The following CTBP2 variants were observed in gnomAD, a reference collection of about 807,000 sequenced individuals.
CTBP2 encodes C-terminal binding protein 2, also known as C-terminal-binding protein 2.
Under a neutral mutation model 80.3 loss-of-function variants are expected in CTBP2, and 30 were observed. The ratio of observed to expected loss-of-function variants is 0.37; its 90% CI spans 0.28 to 0.51. CTBP2 has a LOEUF of 0.51. Among genes scored for constraint, CTBP2 ranks in the 20% least tolerant of loss-of-function variants. The pLI is 0.93. For synonymous variants in CTBP2, 594 were observed against 587.4 expected (o/e 1.01, Z -0.16); for missense variants, 1,212 against 1,375.3 (o/e 0.88, Z 1.88).
intron 1 of CTBP2, among the ~76,000 whole-genome samples, chr10:125,130,139 C>T (rs542327139): frequency 1.3e-5 from 2 of 152,066 alleles, no homozygotes; most frequent in East Asian, 1.9e-4. Context: ...CCTCTGCCTC[C>T]CAGGTTCAAG....
chr10:125,040,312 G>A (rs552456587), intron 2 of CTBP2, among the ~76,000 whole-genome samples: 174 of 151,938 alleles, frequency 1.1e-3, no homozygotes, highest in African/African-American at 3.3e-3. Context: ...AAAATTAGCC[G>A]GGTATGCTGG....
intron 1 of CTBP2, among the ~76,000 whole-genome samples, chr10:125,112,220 C>T (rs929417657): frequency 3.4e-5 from 5 of 147,552 alleles, no homozygotes; most frequent in African/African-American, 1.3e-4. Flanking sequence ...TCAGGCAATT[C>T]TCCTGCCTCG....
chr10:125,026,941 G>GT lies in CTBP2; in HGVS notation c.818dup (p.Tyr273Ter), dbSNP rs749964915. ...CCTGGAAGGTGGACAGGTCAGCTTCGTAAGTCTCGTAAGCCATCTTGGATG... is the reference window on the plus strand; with the variant it reads ...CCTGGAAGGTGGACAGGTCAGCTTCGTTAAGTCTCGTAAGCCATCTTGGATG... Residue 273 changes from tyrosine (Y) to a stop codon, truncating the protein, a stop_gained and frameshift_variant, in exon 1 of 9, where the codon TAC (tyrosine) becomes TAAC (stop). Transcript: ENST00000309035. LOFTEE classifies it high-confidence loss of function. 2 of 1,614,042 alleles carry GT rather than the reference G, an allele frequency of 1.2e-6. No homozygotes were observed. Among genetic ancestry groups the GT allele is most frequent in the South Asian group, 2.2e-5 (2 of 91,092 alleles).
intron 1 of CTBP2, among the ~76,000 whole-genome samples, chr10:125,123,648 C>G (rs17152657): frequency 0.087 from 13,299 of 152,270 alleles, 726 homozygotes; most frequent in South Asian, 0.14. Context: ...ACACTGCTTA[C>G]GCACTCAACT....
intron 1 of CTBP2, chr10:125,133,635 T>C (rs905883512): frequency 6.6e-6 from 1 of 152,214 alleles, no homozygotes; most frequent in African/African-American, 2.4e-5. Flanking sequence ...GCTTGTTGTT[T>C]GGAGGGTGTA....
chr10:125,159,019 G>A (rs985192356), intron 1 of CTBP2, among the ~76,000 whole-genome samples: 3 of 151,688 alleles, frequency 2.0e-5, no homozygotes, highest in African/African-American at 7.3e-5. Flanking sequence ...CCGCCACGCC[G>A]CTGGGCCTCC....
At chr10:125,092,837 A>G (rs934687142) in intron 2 of CTBP2, among the ~76,000 whole-genome samples, 1 of 152,172 alleles carries the variant, frequency 6.6e-6, no homozygotes, top group Non-Finnish European at 1.5e-5. Context: ...CAGTTACCAC[A>G]TGAGAGCGAC....
chr10:125,058,823 G>C (rs1964448698), intron 2 of CTBP2, among the ~76,000 whole-genome samples: 1 of 152,154 alleles, frequency 6.6e-6, no homozygotes, highest in African/African-American at 2.4e-5. Flanking sequence ...GAACCCGGGA[G>C]GCGGTGGCTG....
intron 2 of CTBP2, among the ~76,000 whole-genome samples, chr10:125,057,050 G>T (rs967175728): frequency 1.3e-5 from 2 of 152,214 alleles, no homozygotes; most frequent in Non-Finnish European, 2.9e-5. Flanking sequence ...CTGCCCTCTG[G>T]GTTGGGCTCC....
chr10:125,128,886 G>A (rs1855696461), intron 1 of CTBP2, among the ~76,000 whole-genome samples: 1 of 152,192 alleles, frequency 6.6e-6, no homozygotes, highest in African/African-American at 2.4e-5. Context: ...GCGAAAAGCT[G>A]GAAACAGCCC....
intron 1 of CTBP2, among the ~76,000 whole-genome samples, chr10:125,003,946 T>C (rs1954896621): frequency 6.6e-6 from 1 of 152,144 alleles, no homozygotes; most frequent in Admixed American, 6.5e-5. Flanking sequence ...CCAGCCCCTC[T>C]CACCTGCGCT....
At chr10:125,141,981 C>T (rs1165772578) in intron 1 of CTBP2, among the ~76,000 whole-genome samples, 1 of 152,162 alleles carries the variant, frequency 6.6e-6, no homozygotes, top group Non-Finnish European at 1.5e-5. Context: ...CACCTGTTCC[C>T]AGGCACTTTC....
intron 1 of CTBP2, among the ~76,000 whole-genome samples, chr10:125,151,865 G>T (rs1470714816): frequency 6.6e-6 from 1 of 152,188 alleles, no homozygotes; most frequent in Non-Finnish European, 1.5e-5. Context: ...GGGTCCGAGC[G>T]GCCCCGCCCA....
chr10:125,115,842 G>A (rs943802604), intron 1 of CTBP2, among the ~76,000 whole-genome samples: 73 of 152,248 alleles, frequency 4.8e-4, no homozygotes, highest in African/African-American at 1.2e-3. Flanking sequence ...GAGGGATTGC[G>A]TAAAGAACCA....
chr10:125,082,489 T>C (rs1847316400), intron 2 of CTBP2, among the ~76,000 whole-genome samples: 1 of 152,094 alleles, frequency 6.6e-6, no homozygotes, highest in South Asian at 2.1e-4. Context: ...TTGCCTCAGG[T>C]ATCATTTCCA....
intron 3 of CTBP2, chr10:124,998,907 T>G (rs555679363): frequency 6.5e-6 from 1 of 153,502 alleles, no homozygotes; most frequent in African/African-American, 2.4e-5. Flanking sequence ...CAGGGTCAAG[T>G]ATCTCCCAGC....
chr10:125,043,853 C>CA (rs1284174991), intron 2 of CTBP2, among the ~76,000 whole-genome samples: 1 of 152,226 alleles, frequency 6.6e-6, no homozygotes, highest in African/African-American at 2.4e-5. Flanking sequence ...AAATTTCTCT[C>CA]AAATCCAGTT....
intron 2 of CTBP2, among the ~76,000 whole-genome samples, chr10:125,092,704 C>T (rs1309939793): frequency 2.6e-5 from 4 of 152,148 alleles, no homozygotes; most frequent in South Asian, 2.1e-4. Flanking sequence ...GAGGTGGTGA[C>T]GTCACCAGGC....
At position 125,142,257 on chromosome 10, in the gene CTBP2, C is replaced by T. The variant is rs147261644; in HGVS notation, c.-206+18062G>A. 1.1e-3 allele frequency among the ~76,000 whole-genome samples: 170 copies of T among 152,196 alleles called. 1 individual carries two copies. The highest frequency in any genetic ancestry group is 3.7e-3 in the African/African-American group (155 of 41,544). On this transcript the variant is annotated intron_variant, in intron 1 of 10. Coordinates refer to the CTBP2 transcript ENST00000337195. Reference sequence around the variant, plus strand: ...CAAGCTCCTGGAGTCTCAGGCATCCCTAGGATGGCACTGGGGAGAGGAGGG... The same window carrying T: ...CAAGCTCCTGGAGTCTCAGGCATCCTTAGGATGGCACTGGGGAGAGGAGGG...
Sources: gnomAD v4.1 joint callset for allele counts (sites outside exome capture counted in the v4.1 genomes callset) on GRCh38, gnomAD v4.1.1 for gene constraint, MANE v1.5 for transcripts, NCBI Gene and HGNC (gene_info 2026-07-23, HGNC 2026-07-21) for gene names.